The following DGKD variants were observed in gnomAD, a reference collection of about 807,000 sequenced individuals.
The protein encoded by DGKD is DAG kinase delta.
A neutral mutation model predicts 154.4 loss-of-function variants in DGKD; 68 were observed. That is an observed-to-expected ratio of 0.44 (90% confidence interval 0.36 to 0.54). DGKD has a LOEUF of 0.54. DGKD is among the 20% of genes least tolerant of loss of function. DGKD has a pLI of 0.00. For missense variants in DGKD, 1,343 were observed against 1,593.6 expected (o/e 0.84, Z 2.68); for synonymous variants, 693 against 638.0 (o/e 1.09, Z -1.30).
At chr2:233,395,022 A>G (rs745777677) in intron 3 of DGKD, among the ~76,000 whole-genome samples, 1 of 152,044 alleles carries the variant, frequency 6.6e-6, no homozygotes, top group Admixed American at 6.6e-5. Flanking sequence ...TCTTGTAAAC[A>G]GTATGTTGTT....
Position 233,457,381 on chromosome 2 carries a change from TGA to T in DGKD, c.2580+57_2580+58del. 1 of 1,328,922 alleles carries T rather than the reference TGA, an allele frequency of 7.5e-7. No individual in the cohort carries two copies. The highest frequency in any genetic ancestry group is 1.1e-6 in the Non-Finnish European group (1 of 924,724). The allele number at this position is 1,328,922 out of a possible 1,614,324, so 82.3% of individuals were successfully genotyped here. On this transcript the variant is annotated intron_variant, in intron 21 of 29. Coordinates refer to ENST00000264057, the MANE Select transcript of DGKD (RefSeq NM_152879.3). This position sits in a 1 kb window ranked among gnomAD's most constrained non-coding sequence, Gnocchi z 5.5. ...CTGAGCTCAGTGGGGAAGAGCTGTC[TGA>T]GAGCAGGGGGGTGTTCTGCTGTGGC...
chr2:233,410,031 T>C (rs1450779863), intron 3 of DGKD, among the ~76,000 whole-genome samples: 1 of 152,108 alleles, frequency 6.6e-6, no homozygotes, highest in African/African-American at 2.4e-5. Flanking sequence ...GATCTCACCA[T>C]GTTGTCCAGG....
intron 26 of DGKD, 155 bp from the exon 27 acceptor site, chr2:233,464,009 G>T: frequency 1.9e-6 from 2 of 1,031,262 alleles, no homozygotes; most frequent in Admixed American, 5.6e-5. Flanking sequence ...TCTGGGTTTG[G>T]TTCCTTTTCT....
chr2:233,456,819 C>A, intron 19 of DGKD, 80 bp from the exon 20 acceptor site: 1 of 1,081,464 alleles, frequency 9.2e-7, no homozygotes, highest in South Asian at 1.3e-5. Flanking sequence ...AGATGCTGTT[C>A]CCAGCTTTCA....
intron 24 of DGKD, among the ~76,000 whole-genome samples, chr2:233,461,317 G>T (rs1016021869): frequency 6.6e-6 from 1 of 152,226 alleles, no homozygotes; most frequent in Admixed American, 6.5e-5. Context: ...AGGTGCACCC[G>T]TCGGTTTTGT....
At chr2:233,454,122 A>T (rs1051055146) in intron 18 of DGKD, among the ~76,000 whole-genome samples, 1 of 152,238 alleles carries the variant, frequency 6.6e-6, no homozygotes, top group Non-Finnish European at 1.5e-5. Flanking sequence ...TGTGACCAGC[A>T]GGCGCAGAAC....
rs879727968 is a variant in DGKD, at chr2:233,440,170, A to G, written c.1086-1717A>G. ...AAGGGGAGTTGAGTCGTCATTTACCATTTCTGGAAGCAGCTCATCTCACAC... is the reference window on the plus strand; with the variant it reads ...AAGGGGAGTTGAGTCGTCATTTACCGTTTCTGGAAGCAGCTCATCTCACAC... On this transcript the variant is annotated intron_variant, in intron 9 of 29. Transcript: ENST00000264057. This position sits in a 1 kb window ranked among gnomAD's most constrained non-coding sequence, Gnocchi z 4.9. Among the ~76,000 whole-genome samples, 7 of 152,234 alleles carry G rather than the reference A, an allele frequency of 4.6e-5. No homozygotes were observed. The highest frequency in any genetic ancestry group is 3.9e-4 in the Admixed American group (6 of 15,294).
intron 17 of DGKD, 33 bp downstream of exon 17, chr2:233,451,083 G>T: frequency 6.3e-7 from 1 of 1,589,124 alleles, no homozygotes; most frequent in South Asian, 1.1e-5. Flanking sequence ...GACTGGTGGG[G>T]GCCCTAGCAC....
Position 233,390,406 on chromosome 2 carries a change from A to G in DGKD, c.271A>G (p.Ile91Val), listed in dbSNP as rs763217681. 4.8e-5 allele frequency: 78 copies of G among 1,613,680 alleles called. No homozygotes were observed. Among genetic ancestry groups the G allele is most frequent in the Admixed American group, 3.2e-4 (19 of 59,968 alleles). ...CCCTGTGTTTGTCTCTTTCTAGTCAATCATATTTGATGAGGTGGATCTGAC... is the reference window on the plus strand; with the variant it reads ...CCCTGTGTTTGTCTCTTTCTAGTCAGTCATATTTGATGAGGTGGATCTGAC... ...TLYYAKTAKS[I>V]IFDEVDLTDA... The change falls in exon 3 of 30, where the codon ATC (isoleucine) becomes GTC (valine). Residue 91 changes from isoleucine to valine, a missense_variant. By Grantham distance (29) the Ile-to-Val change is conservative (BLOSUM62 3). Coordinates refer to ENST00000264057, the MANE Select transcript of DGKD (RefSeq NM_152879.3).
chr2:233,450,796 G>T, intron 16 of DGKD, 126 bp from the exon 17 acceptor site: 1 of 1,218,730 alleles, frequency 8.2e-7, no homozygotes, highest in African/African-American at 1.5e-5. Context: ...CACACTTCAC[G>T]CAACTGCCTG....
intron 3 of DGKD, among the ~76,000 whole-genome samples, chr2:233,398,537 G>T (rs1438091307): frequency 6.6e-6 from 1 of 152,086 alleles, no homozygotes; most frequent in Non-Finnish European, 1.5e-5. Flanking sequence ...TTTCTCTTGG[G>T]TTTTCACATG....
At chr2:233,398,333 G>A (rs1371892650) in intron 3 of DGKD, among the ~76,000 whole-genome samples, 1 of 151,806 alleles carries the variant, frequency 6.6e-6, no homozygotes, top group South Asian at 2.1e-4. Flanking sequence ...TTTTAGTAGA[G>A]ACGGGGTTTC....
rs1484544905 is a variant in DGKD at position 233,472,072 on chromosome 2, TAAAAC to T, written c.*2615_*2619del. On this transcript the variant is annotated 3_prime_UTR_variant, in exon 30 of 30. Transcript: ENST00000264057. Reference sequence around the variant, plus strand: ...GTACATAAGTTGTTCTGTGTATAAATAAAACAAGCCTGTTTTTGATCTTCCATCGC... The same window carrying T: ...GTACATAAGTTGTTCTGTGTATAAATAAGCCTGTTTTTGATCTTCCATCGC... The T allele has an allele frequency of 2.6e-5, 4 of 152,414 alleles. No homozygotes were observed. The highest frequency in any genetic ancestry group is 1.5e-5 in the Non-Finnish European group (1 of 68,050). The allele number at this position is 152,414 out of a possible 1,614,324, so 9.4% of individuals were successfully genotyped here. A position where few individuals can be genotyped will look rare whatever the true frequency, so the allele number is the denominator to read the frequency against.
chr2:233,419,357 T>C, intron 3 of DGKD: 1 of 985,562 alleles, frequency 1.0e-6, no homozygotes, highest in Non-Finnish European at 1.2e-6. Context: ...TTGTTTGTGC[T>C]GGGTCACTTC....
chr2:233,451,368 T>A (rs1454901594), intron 17 of DGKD, among the ~76,000 whole-genome samples: 1 of 152,032 alleles, frequency 6.6e-6, no homozygotes, highest in East Asian at 1.9e-4. Flanking sequence ...GCCGGCCTGA[T>A]GAGGGAACCC....
At chr2:233,451,110 A>T (rs1053035700) in intron 17 of DGKD, 60 bp downstream of exon 17, 27 of 1,553,378 alleles carry the variant, frequency 1.7e-5, no homozygotes, top group Non-Finnish European at 2.4e-5. Flanking sequence ...GGTCCCGTCA[A>T]ACTGAAAGAG....
chr2:233,416,138 A>G (rs2061955502), intron 3 of DGKD, among the ~76,000 whole-genome samples: 1 of 152,150 alleles, frequency 6.6e-6, no homozygotes, highest in Non-Finnish European at 1.5e-5. Flanking sequence ...GTGGTAGAAT[A>G]CTGTTTTATT....
At chr2:233,463,342 ACG>A (rs2063714426) in intron 26 of DGKD, among the ~76,000 whole-genome samples, 2 of 148,232 alleles carry the variant, frequency 1.3e-5, no homozygotes, top group Non-Finnish European at 3.0e-5. Flanking sequence ...TCCTCACTGC[ACG>A]CATCTCACTC....
chr2:233,409,133 T>A (rs1017938592), intron 3 of DGKD: 5 of 152,220 alleles, frequency 3.3e-5, no homozygotes, highest in African/African-American at 1.2e-4. Flanking sequence ...GGGCTGTTTG[T>A]TTAGATTATC....
Sources: allele counts gnomAD v4.1 joint callset (sites outside exome capture counted in the v4.1 genomes callset), GRCh38; gene constraint gnomAD v4.1.1; non-coding constraint Gnocchi (gnomAD v3.1); transcripts MANE v1.5; gene names NCBI Gene and HGNC (gene_info 2026-07-23, HGNC 2026-07-21).